MYH11: variants seen among roughly 807,000 people sequenced by gnomAD.
The protein encoded by MYH11 is myosin heavy chain 11, also known as myosin-11.
A neutral mutation model predicts 246.6 loss-of-function variants in MYH11; 80 were observed. The observed-to-expected ratio is 0.32, with a 90% CI of 0.27 to 0.39. The LOEUF (loss-of-function observed/expected upper bound fraction) is 0.39, where lower values mean the gene tolerates loss of function less well. Ranked by LOEUF, MYH11 falls within the 10% of genes least tolerant of loss-of-function variation. MYH11 has a pLI of 1.00. For missense variants in MYH11, 2,158 were observed against 2,546.8 expected, an observed-to-expected ratio of 0.85 and a Z score of 3.29; for synonymous variants, 1,071 against 1,015.5, an observed-to-expected ratio of 1.05 and a Z score of -1.04.
chr16:15,712,439 G>A (rs1268366568), intron 40 of MYH11, among the ~76,000 whole-genome samples: 1 of 151,918 alleles, frequency 6.6e-6, no homozygotes, highest in Non-Finnish European at 1.5e-5. Flanking sequence ...CACAAGATCA[G>A]GAGTTCAAGA....
chr16:15,838,359 G>A (rs2043962871), intron 1 of MYH11, 90 bp from the exon 2 acceptor site: 1 of 1,016,322 alleles, frequency 9.8e-7, no homozygotes, highest in South Asian at 1.3e-5. Flanking sequence ...TAGGAACTCG[G>A]TCTGCAGAGA....
chr16:15,818,584 G>A (rs7188288), intron 3 of MYH11, among the ~76,000 whole-genome samples: 2,281 of 152,118 alleles, frequency 0.015, 62 homozygotes, highest in African/African-American at 0.05. Flanking sequence ...ACAGGCGCCT[G>A]CCACTGTGCC....
chr16:15,825,194 G>C (rs2043526877), intron 2 of MYH11, among the ~76,000 whole-genome samples: 1 of 152,100 alleles, frequency 6.6e-6, no homozygotes, highest in African/African-American at 2.4e-5. Context: ...CCAGAGGCTG[G>C]AAAGAGGTGG....
intron 4 of MYH11, among the ~76,000 whole-genome samples, chr16:15,789,762 G>C (rs998065915): frequency 5.9e-5 from 9 of 152,198 alleles, no homozygotes; most frequent in African/African-American, 2.2e-4. Context: ...GAAGGGGTTG[G>C]ATTCTGATTA....
intron 2 of MYH11, among the ~76,000 whole-genome samples, chr16:15,829,769 C>T (rs887969644): frequency 2.0e-5 from 3 of 152,116 alleles, no homozygotes; most frequent in Admixed American, 1.3e-4. Flanking sequence ...GCAGGGGGTG[C>T]TCCCGGGGCC....
chr16:15,708,703 G>T, intron 40 of MYH11: 1 of 1,279,922 alleles, frequency 7.8e-7, no homozygotes, highest in Non-Finnish European at 1.1e-6. Flanking sequence ...TCGTGGAAAT[G>T]TGCAAGGGTT....
intron 28 of MYH11, 35 bp from the exon 29 acceptor site, chr16:15,725,027 C>A (rs754330489): frequency 6.3e-7 from 1 of 1,583,330 alleles, no homozygotes; most frequent in South Asian, 1.1e-5. Context: ...GTCAAAGCCT[C>A]TAGAAGGGGA....
intron 9 of MYH11, among the ~76,000 whole-genome samples, chr16:15,768,456 C>G (rs767524730): frequency 3.3e-5 from 5 of 152,104 alleles, no homozygotes; most frequent in Admixed American, 6.5e-5. Flanking sequence ...TGACCCACCC[C>G]CTTCTCCATA....
intron 15 of MYH11, among the ~76,000 whole-genome samples, chr16:15,752,517 C>G (rs1473486807): frequency 6.6e-6 from 1 of 152,128 alleles, no homozygotes; most frequent in Non-Finnish European, 1.5e-5. Flanking sequence ...TCAGGCCCGC[C>G]CCATCCCTGG....
intron 7 of MYH11, 35 bp downstream of exon 7, chr16:15,778,745 G>C (rs2096088917): frequency 6.2e-7 from 1 of 1,604,534 alleles, no homozygotes; most frequent in Admixed American, 1.7e-5. Context: ...AGGGGGCAGG[G>C]GTACCCATTT....
chr16:15,814,036 C>A (rs999488299), intron 3 of MYH11, among the ~76,000 whole-genome samples: 1 of 151,826 alleles, frequency 6.6e-6, no homozygotes, highest in African/African-American at 2.4e-5. Context: ...CCCAGCTACT[C>A]AGGAGGCTGA....
chr16:15,742,802 A>AAGTT (rs2041312459), intron 20 of MYH11, among the ~76,000 whole-genome samples: 1 of 151,274 alleles, frequency 6.6e-6, no homozygotes, highest in Non-Finnish European at 1.5e-5. Context: ...TTACAACTTT[A>AAGTT]CATAGCCATC....
intron 1 of MYH11, among the ~76,000 whole-genome samples, chr16:15,841,450 T>G (rs2044048405): frequency 6.6e-6 from 1 of 152,232 alleles, no homozygotes; most frequent in African/African-American, 2.4e-5. Flanking sequence ...AAATGCATTA[T>G]TTTTTAAATG....
intron 14 of MYH11, among the ~76,000 whole-genome samples, chr16:15,755,765 C>G (rs191650687): frequency 1.3e-4 from 20 of 152,268 alleles, no homozygotes; most frequent in Non-Finnish European, 2.4e-4. Flanking sequence ...AAACCCTTCT[C>G]TACTAAAAAT....
intron 40 of MYH11, among the ~76,000 whole-genome samples, chr16:15,710,052 A>G (rs879751878): frequency 4.6e-5 from 7 of 152,162 alleles, no homozygotes; most frequent in South Asian, 2.1e-4. Flanking sequence ...GCCTGATTTT[A>G]TGTTTTTGTG....
intron 31 of MYH11, among the ~76,000 whole-genome samples, chr16:15,723,617 G>A (rs1336256140): frequency 6.6e-6 from 1 of 152,186 alleles, no homozygotes; most frequent in Non-Finnish European, 1.5e-5. Flanking sequence ...CTGCACTCCA[G>A]CCTGGGTGAC....
At chr16:15,748,750 G>A (rs1040967029) in intron 16 of MYH11, among the ~76,000 whole-genome samples, 3 of 152,014 alleles carry the variant, frequency 2.0e-5, no homozygotes, top group Non-Finnish European at 4.4e-5. Context: ...CAAGTATTTG[G>A]GACCACAGGT....
At chr16:15,801,995 G>C (rs2042898772) in intron 3 of MYH11, among the ~76,000 whole-genome samples, 1 of 152,044 alleles carries the variant, frequency 6.6e-6, no homozygotes, top group African/African-American at 2.4e-5. Flanking sequence ...AAACAGGCCT[G>C]AGCCTGAAGT....
chr16:15,822,781 G>A (rs1246601586), intron 3 of MYH11, among the ~76,000 whole-genome samples: 1 of 152,226 alleles, frequency 6.6e-6, no homozygotes, highest in African/African-American at 2.4e-5. Flanking sequence ...CAAGTCTTAA[G>A]TTTGGAAAAA....
Sources: allele counts gnomAD v4.1 joint callset (sites outside exome capture counted in the v4.1 genomes callset), GRCh38; gene constraint gnomAD v4.1.1; transcripts MANE v1.5; gene names NCBI Gene and HGNC (gene_info 2026-07-23, HGNC 2026-07-21).